Variants in MARCHF8 observed in about 807,000 individuals in gnomAD.
The protein encoded by MARCHF8 is membrane associated ring-CH-type finger 8, also known as E3 ubiquitin-protein ligase MARCHF8.
A neutral mutation model predicts 51.6 loss-of-function variants in MARCHF8; 40 were observed. That is an observed-to-expected ratio of 0.77 (90% CI 0.60 to 1.01). The LOEUF is 1.01. Among genes scored for constraint, MARCHF8 ranks in the 50% least tolerant of loss-of-function variants. The pLI is 0.00. For synonymous variants in MARCHF8, 263 were observed against 280.3 expected (o/e 0.94, Z 0.62); for missense variants, 685 against 708.6 (o/e 0.97, Z 0.38).
chr10:45,589,644 C>G (rs1171940950), intron 1 of MARCHF8, among the ~76,000 whole-genome samples: 1 of 152,100 alleles, frequency 6.6e-6, no homozygotes, highest in Non-Finnish European at 1.5e-5. Context: ...TCTGGACATT[C>G]CATATAAATG....
intron 2 of MARCHF8, among the ~76,000 whole-genome samples, chr10:45,517,765 AT>A (rs1169545689): frequency 6.6e-6 from 1 of 152,240 alleles, no homozygotes; most frequent in African/African-American, 2.4e-5. Flanking sequence ...AGACTCTGGA[AT>A]ACAGTGCCCT....
intron 3 of MARCHF8, among the ~76,000 whole-genome samples, chr10:45,467,413 G>C (rs528288297): frequency 3.9e-5 from 6 of 152,140 alleles, no homozygotes; most frequent in African/African-American, 1.4e-4. Context: ...CTTCTGTCAC[G>C]ATCTAAAGGA....
rs2043957537 is a variant in MARCHF8 at position 45,535,371 on chromosome 10, T to C, written c.-239A>G. 2 of 152,358 alleles carry C rather than the reference T, an allele frequency of 1.3e-5. No individual in the cohort carries two copies. The highest frequency in any genetic ancestry group is 2.9e-5 in the Non-Finnish European group (2 of 68,044). The allele number at this position is 152,358 out of a possible 1,614,324, so 9.4% of individuals were successfully genotyped here. On this transcript the variant is annotated 5_prime_UTR_variant, in exon 1 of 8. An upstream start codon of the reference 5' UTR is lost. Coordinates refer to ENST00000453424, the MANE Select transcript of MARCHF8 (RefSeq NM_001282866.2). ...GATATCCACAGCCCTATACCTACCATGCCAAAAGCTACCTGTGGTGCTTCT... is the reference window on the plus strand; with the variant it reads ...GATATCCACAGCCCTATACCTACCACGCCAAAAGCTACCTGTGGTGCTTCT...
At position 45,561,900 on chromosome 10, in the gene MARCHF8, CAAAAAAA is replaced by C. The variant is rs34329041; in HGVS notation, c.-78-28618_-78-28612del. Among the ~76,000 whole-genome samples, 143 of 41,540 alleles carry C rather than the reference CAAAAAAA, an allele frequency of 3.4e-3. No individual in the cohort carries two copies. The East Asian group carries it at 0.055, about 16-fold the overall frequency. The allele number at this position is 41,540 out of a possible 152,430, so 27.3% of individuals were successfully genotyped here. ...TGGGCAACGGAGCAAGACTCCGTCT[CAAAAAAA>C]AAAAAAAAAAAAAAGAAATTTTAAA... On this transcript the variant is annotated intron_variant, in intron 1 of 6. Transcript: ENST00000319836.
chr10:45,482,955 T>C (rs1030789264), intron 3 of MARCHF8, among the ~76,000 whole-genome samples: 3 of 152,172 alleles, frequency 2.0e-5, no homozygotes, highest in African/African-American at 4.8e-5. Flanking sequence ...TGAATGAAAC[T>C]GAAGCCCTCT....
upstream of MARCHF8, among the ~76,000 whole-genome samples, chr10:45,535,993 A>G (rs1019433714): frequency 6.6e-6 from 1 of 152,228 alleles, no homozygotes; most frequent in Non-Finnish European, 1.5e-5. Context: ...CCAAGTTGAC[A>G]TAGAGAGTCA....
chr10:45,499,259 G>A (rs184393001), intron 2 of MARCHF8, among the ~76,000 whole-genome samples: 1 of 152,206 alleles, frequency 6.6e-6, no homozygotes, highest in Non-Finnish European at 1.5e-5. Context: ...CTTTGGAAAA[G>A]TGTCTATTCA....
rs141239443 is a variant in MARCHF8, at chr10:45,549,617, G to A, written c.-78-16328C>T. ...CCTGTGGTTTGAATGTGTCCCCCAAGTTCATGTATTGGAAACTTAATCCCC... is the reference window on the plus strand; with the variant it reads ...CCTGTGGTTTGAATGTGTCCCCCAAATTCATGTATTGGAAACTTAATCCCC... On this transcript the variant is annotated intron_variant, in intron 1 of 6. Coordinates refer to the MARCHF8 transcript ENST00000319836. 3.5e-3 allele frequency among the ~76,000 whole-genome samples: 526 copies of A among 152,314 alleles called. 1 individual carries two copies. The highest frequency in any genetic ancestry group is 0.014 in the Middle Eastern group (4 of 294).
chr10:45,540,150 T>A (rs1241761284), upstream of MARCHF8, among the ~76,000 whole-genome samples: 2 of 151,950 alleles, frequency 1.3e-5, no homozygotes, highest in East Asian at 3.9e-4. Flanking sequence ...TTCAATGCCA[T>A]CCCCCCATCA....
intron 3 of MARCHF8, among the ~76,000 whole-genome samples, chr10:45,478,791 C>T (rs1478420337): frequency 1.3e-5 from 2 of 152,064 alleles, no homozygotes; most frequent in African/African-American, 4.8e-5. Flanking sequence ...AGACACATAA[C>T]CTACCATGAT....
chr10:45,490,017 A>G (rs143872658), intron 2 of MARCHF8, among the ~76,000 whole-genome samples: 1 of 152,174 alleles, frequency 6.6e-6, no homozygotes, highest in Non-Finnish European at 1.5e-5. Flanking sequence ...ACATTCAGTC[A>G]CATAGTCTTG....
chr10:45,594,449 G>A (rs2044714629), exon 1 of MARCHF8: 2 of 152,398 alleles, frequency 1.3e-5, no homozygotes, highest in East Asian at 3.9e-4. Context: ...CCTGGGCGCT[G>A]ACCGTTTCTG....
chr10:45,491,658 C>T (rs535398399), intron 2 of MARCHF8, among the ~76,000 whole-genome samples: 1 of 152,356 alleles, frequency 6.6e-6, no homozygotes, highest in South Asian at 2.1e-4. Flanking sequence ...ATCTGAGTTT[C>T]ATTCATTAGT....
At chr10:45,560,951 T>C (rs1028066027) in intron 1 of MARCHF8, among the ~76,000 whole-genome samples, 2 of 152,126 alleles carry the variant, frequency 1.3e-5, no homozygotes, top group African/African-American at 4.8e-5. Flanking sequence ...TGTTTAAACA[T>C]GCAAGGGAAA....
intron 3 of MARCHF8, among the ~76,000 whole-genome samples, chr10:45,482,433 A>C (rs1389779835): frequency 6.6e-6 from 1 of 152,190 alleles, no homozygotes; most frequent in Non-Finnish European, 1.5e-5. Context: ...AGGCTACAGA[A>C]ACCAAAATAA....
chr10:45,556,763 T>TA (rs1335481903), intron 1 of MARCHF8, among the ~76,000 whole-genome samples: 2 of 152,186 alleles, frequency 1.3e-5, no homozygotes, highest in Non-Finnish European at 2.9e-5. Context: ...CAATAAATGT[T>TA]AAATGAACGA....
chr10:45,507,327 T>C (rs531232715), intron 2 of MARCHF8, among the ~76,000 whole-genome samples: 3 of 152,302 alleles, frequency 2.0e-5, no homozygotes, highest in South Asian at 2.1e-4. Flanking sequence ...CGCATTACTA[T>C]AAAGGAATAC....
chr10:45,551,068 C>T (rs578251739), intron 1 of MARCHF8, among the ~76,000 whole-genome samples: 5 of 152,028 alleles, frequency 3.3e-5, no homozygotes, highest in East Asian at 3.9e-4. Flanking sequence ...ATTTTATAGA[C>T]GAGGAAACAC....
At chr10:45,566,558 A>G (rs1218587793) in intron 1 of MARCHF8, among the ~76,000 whole-genome samples, 1 of 152,202 alleles carries the variant, frequency 6.6e-6, no homozygotes, top group Non-Finnish European at 1.5e-5. Context: ...TTCACTTAAC[A>G]TAATGATCTC....
Sources: gnomAD v4.1 joint callset for allele counts (sites outside exome capture counted in the v4.1 genomes callset) on GRCh38, gnomAD v4.1.1 for gene constraint, MANE v1.5 for transcripts, NCBI Gene and HGNC (gene_info 2026-07-23, HGNC 2026-07-21) for gene names.